The following CTNNA2 variants were observed in gnomAD, a reference collection of about 807,000 sequenced individuals.
CTNNA2 encodes catenin alpha 2, also known as catenin alpha-2.
Under a neutral mutation model 101.0 loss-of-function variants are expected in CTNNA2, and 42 were observed. That is an observed-to-expected ratio of 0.42 (90% confidence interval 0.32 to 0.54). The LOEUF is 0.54. Among genes scored for constraint, CTNNA2 ranks in the 20% least tolerant of loss-of-function variants. The pLI, the probability that CTNNA2 is intolerant of heterozygous loss-of-function variation, is 0.14. For missense variants in CTNNA2, 871 were observed against 1,223.1 expected, an observed-to-expected ratio of 0.71 and a Z score of 4.29; for synonymous variants, 450 against 456.4, an observed-to-expected ratio of 0.99 and a Z score of 0.18.
At chr2:80,129,964 A>G (rs1702325992) in intron 7 of CTNNA2, among the ~76,000 whole-genome samples, 1 of 152,194 alleles carries the variant, frequency 6.6e-6, no homozygotes, top group Admixed American at 6.5e-5. Flanking sequence ...ATAAAAAATT[A>G]TGATACAGGT....
chr2:80,595,199 C>T (rs1435646420), intron 15 of CTNNA2, among the ~76,000 whole-genome samples: 1 of 152,088 alleles, frequency 6.6e-6, no homozygotes, highest in Non-Finnish European at 1.5e-5. Flanking sequence ...TGCAAGTCTT[C>T]TGACTCCATG....
intron 9 of CTNNA2, among the ~76,000 whole-genome samples, chr2:80,425,974 T>C (rs529340601): frequency 3.7e-4 from 57 of 152,340 alleles, no homozygotes; most frequent in African/African-American, 1.3e-3. Context: ...ATTTAAAACA[T>C]TTAATAAAAT....
chr2:79,494,058 G>GA (rs972877089), intron 4 of CTNNA2, among the ~76,000 whole-genome samples: 1 of 151,698 alleles, frequency 6.6e-6, no homozygotes, highest in Non-Finnish European at 1.5e-5. Flanking sequence ...ATGAAATTAA[G>GA]AAAAAAACTG....
chr2:79,843,655 T>C (rs1417078453), intron 3 of CTNNA2, among the ~76,000 whole-genome samples: 1 of 152,238 alleles, frequency 6.6e-6, no homozygotes, highest in Non-Finnish European at 1.5e-5. Flanking sequence ...ATCTGGCATC[T>C]GTATTTTCTT....
At chr2:79,702,620 CTG>C (rs1263579327) in intron 2 of CTNNA2, among the ~76,000 whole-genome samples, 10 of 152,172 alleles carry the variant, frequency 6.6e-5, no homozygotes, top group Non-Finnish European at 1.3e-4. Context: ...CTTAGGTTGG[CTG>C]TTAGTTAATT....
chr2:79,305,575 T>C (rs1676221017), intron 2 of CTNNA2, among the ~76,000 whole-genome samples: 1 of 152,010 alleles, frequency 6.6e-6, no homozygotes, highest in South Asian at 2.1e-4. Context: ...ATTTACATTA[T>C]TGCTTACATA....
intron 4 of CTNNA2, among the ~76,000 whole-genome samples, chr2:79,442,113 A>G (rs1678784338): frequency 6.6e-6 from 1 of 152,062 alleles, no homozygotes; most frequent in South Asian, 2.1e-4. Flanking sequence ...TTTATTATCT[A>G]TTTCCCTGAC....
intron 1 of CTNNA2, among the ~76,000 whole-genome samples, chr2:79,517,405 T>G (rs1671864911): frequency 6.6e-6 from 1 of 152,184 alleles, no homozygotes; most frequent in South Asian, 2.1e-4. Context: ...GTTTTGTAGT[T>G]CAAATAATAT....
intron 9 of CTNNA2, among the ~76,000 whole-genome samples, chr2:80,518,926 TC>T (rs1405908958): frequency 2.0e-5 from 3 of 152,204 alleles, no homozygotes; most frequent in African/African-American, 4.8e-5. Flanking sequence ...TCTGTTCACT[TC>T]CACCCCTGGA....
chr2:79,835,011 T>C (rs550576772), intron 3 of CTNNA2, among the ~76,000 whole-genome samples: 1 of 152,254 alleles, frequency 6.6e-6, no homozygotes, highest in South Asian at 2.1e-4. Context: ...CTATCTACTC[T>C]ATAGGTCAAT....
At chr2:79,478,236 C>G (rs1025605756) in intron 4 of CTNNA2, among the ~76,000 whole-genome samples, 1 of 152,130 alleles carries the variant, frequency 6.6e-6, no homozygotes, top group Admixed American at 6.6e-5. Context: ...CTCAACAAAC[C>G]CATTTCTCCT....
chr2:79,594,326 C>T lies in CTNNA2; in HGVS notation c.-5-57226C>T, dbSNP rs115042481. Among the ~76,000 whole-genome samples, 1,039 of 152,256 alleles carry T rather than the reference C, an allele frequency of 6.8e-3. 6 individuals are homozygous for T. The highest frequency in any genetic ancestry group is 0.024 in the African/African-American group (980 of 41,532). ...GTGTAGCACAGAGGTTATGAGAAGA[C>T]ACTCACCATCCAGACTGTGTTCAAG... On this transcript the variant is annotated intron_variant, in intron 1 of 18. Transcript: ENST00000402739.
At chr2:79,572,233 C>T (rs1675501555) in intron 1 of CTNNA2, among the ~76,000 whole-genome samples, 1 of 152,178 alleles carries the variant, frequency 6.6e-6, no homozygotes, top group Non-Finnish European at 1.5e-5. Flanking sequence ...AGGGAGTGGA[C>T]TGAGACTTGT....
At chr2:79,425,949 G>A (rs1236052350) in intron 4 of CTNNA2, among the ~76,000 whole-genome samples, 1 of 152,146 alleles carries the variant, frequency 6.6e-6, no homozygotes, top group Non-Finnish European at 1.5e-5. Flanking sequence ...CAACAGGCAT[G>A]TTAGCACAGA....
At chr2:79,682,472 T>C (rs896691393) in intron 2 of CTNNA2, among the ~76,000 whole-genome samples, 3 of 147,888 alleles carry the variant, frequency 2.0e-5, no homozygotes, top group Non-Finnish European at 4.5e-5. Context: ...TTTGAAGTAA[T>C]GTGGTTCCAT....
At chr2:79,815,454 G>GAGA (rs145941724) in intron 3 of CTNNA2, among the ~76,000 whole-genome samples, 33,962 of 151,930 alleles carry the variant, frequency 0.22, 3,901 homozygotes, top group East Asian at 0.32. Flanking sequence ...TGTATAAGGT[G>GAGA]AGAAATGAGG....
intron 7 of CTNNA2, among the ~76,000 whole-genome samples, chr2:80,071,899 T>C (rs1233350643): frequency 1.3e-5 from 2 of 151,896 alleles, no homozygotes; most frequent in Non-Finnish European, 1.5e-5. Context: ...CAAATGAAAA[T>C]AGTAAAGTTT....
chr2:79,768,151 T>A (rs1039417914), intron 3 of CTNNA2, among the ~76,000 whole-genome samples: 8 of 151,642 alleles, frequency 5.3e-5, no homozygotes, highest in Non-Finnish European at 1.0e-4. Flanking sequence ...CCGAGTTTGG[T>A]CTGATTTTCC....
intron 2 of CTNNA2, among the ~76,000 whole-genome samples, chr2:79,696,681 T>C (rs1174906940): frequency 1.3e-5 from 2 of 152,046 alleles, no homozygotes; most frequent in Non-Finnish European, 2.9e-5. Context: ...AGGATGCTTC[T>C]TTGGTTTTAG....
Sources: allele counts gnomAD v4.1 joint callset (sites outside exome capture counted in the v4.1 genomes callset), GRCh38; gene constraint gnomAD v4.1.1; transcripts MANE v1.5; gene names NCBI Gene and HGNC (gene_info 2026-07-23, HGNC 2026-07-21).